SGCD: variants seen among roughly 807,000 people sequenced by gnomAD.
SGCD encodes sarcoglycan delta.
In SGCD, 18 loss-of-function variants were observed where a neutral mutation model predicts 36.6. That is an observed-to-expected ratio of 0.49 (90% confidence interval 0.34 to 0.73). SGCD has a LOEUF of 0.73. SGCD is among the 30% of genes least tolerant of loss of function. The pLI is 0.01. For missense variants in SGCD, 387 were observed against 346.7 expected (o/e 1.12, Z -0.92); for synonymous variants, 133 against 130.6 (o/e 1.02, Z -0.12).
the SGCD span, among the ~76,000 whole-genome samples, chr5:155,805,152 A>C: frequency 2.0e-5 from 3 of 152,246 alleles, no homozygotes; most frequent in East Asian, 5.8e-4. Context: ...GAAAGATATA[A>C]ATTTAACATT....
chr5:155,811,031 A>G, the SGCD span, among the ~76,000 whole-genome samples: 5 of 149,764 alleles, frequency 3.3e-5, no homozygotes, highest in Admixed American at 1.3e-4. Context: ...TTTAGCCGGG[A>G]TGGTCTCGAT....
chr5:155,774,615 C>G, the SGCD span, among the ~76,000 whole-genome samples: 17 of 152,010 alleles, frequency 1.1e-4, no homozygotes, highest in African/African-American at 3.6e-4. Context: ...GCTCATAGCC[C>G]CTTCCTCCAT....
At chr5:155,852,564 AAAG>A in the SGCD span, among the ~76,000 whole-genome samples, 1 of 152,264 alleles carries the variant, frequency 6.6e-6, no homozygotes, top group Non-Finnish European at 1.5e-5. Context: ...GCTACATGTC[AAAG>A]AAGTAGGAGG....
At chr5:156,480,098 T>C (rs1247609060) in intron 3 of SGCD, among the ~76,000 whole-genome samples, 5 of 152,226 alleles carry the variant, frequency 3.3e-5, no homozygotes, top group African/African-American at 1.2e-4. Context: ...GAGTAGTCAG[T>C]AGGGAAATGT....
the SGCD span, among the ~76,000 whole-genome samples, chr5:155,809,686 G>A: frequency 6.6e-6 from 1 of 152,126 alleles, no homozygotes; most frequent in Non-Finnish European, 1.5e-5. Flanking sequence ...GGAGAAAAGG[G>A]CCAAATATAT....
At chr5:156,129,447 C>T (rs1044465514) in intron 3 of SGCD, among the ~76,000 whole-genome samples, 14 of 152,186 alleles carry the variant, frequency 9.2e-5, no homozygotes, top group African/African-American at 3.4e-4. Context: ...CATCATGTTA[C>T]TACTCATTTG....
chr5:155,813,530 TGAGA>T, the SGCD span, among the ~76,000 whole-genome samples: 1 of 152,218 alleles, frequency 6.6e-6, no homozygotes, highest in Non-Finnish European at 1.5e-5. Flanking sequence ...ATATGATCAC[TGAGA>T]AGTGATCATA....
At chr5:156,153,717 G>T (rs1039091723) in intron 3 of SGCD, among the ~76,000 whole-genome samples, 4 of 151,580 alleles carry the variant, frequency 2.6e-5, no homozygotes, top group African/African-American at 7.3e-5. Flanking sequence ...TCTGGGGGAA[G>T]ACTCTAGGGT....
At chr5:156,375,385 T>C (rs1274131251) in intron 3 of SGCD, among the ~76,000 whole-genome samples, 2 of 147,700 alleles carry the variant, frequency 1.4e-5, no homozygotes, top group African/African-American at 5.0e-5. Flanking sequence ...CCCAGTAATA[T>C]CCTTCACAGC....
At chr5:155,802,081 C>T in the SGCD span, among the ~76,000 whole-genome samples, 1 of 152,154 alleles carries the variant, frequency 6.6e-6, no homozygotes, top group Non-Finnish European at 1.5e-5. Flanking sequence ...ACGCCTGACC[C>T]AAGCTGGGTC....
chr5:155,944,048 G>C lies in SGCD; in HGVS notation c.-282+73624G>C, dbSNP rs537430859. Among the ~76,000 whole-genome samples the C allele has an allele frequency of 4.3e-4, 66 of 152,274 alleles. No individual in the cohort carries two copies. In the South Asian group the frequency reaches 5.4e-3, roughly 12 times the overall value. On this transcript the variant is annotated intron_variant, in intron 1 of 9. Coordinates refer to the SGCD transcript ENST00000517913. ...ATTCTGCATGACCACAGCCCTGCAA[G>C]TATTTGAAGATAGTTTGTTCTGCCT...
At chr5:155,977,639 G>C (rs1000746004) in intron 1 of SGCD, among the ~76,000 whole-genome samples, 16 of 152,202 alleles carry the variant, frequency 1.1e-4, no homozygotes, top group African/African-American at 3.9e-4. Context: ...TGCATCTGAA[G>C]GATGAAAAAG....
chr5:156,326,529 G>A (rs1347963096), upstream of SGCD, among the ~76,000 whole-genome samples: 1 of 152,194 alleles, frequency 6.6e-6, no homozygotes, highest in Non-Finnish European at 1.5e-5. Flanking sequence ...CAGCTCCGAA[G>A]AACTGTACCA....
intron 3 of SGCD, among the ~76,000 whole-genome samples, chr5:156,494,472 T>A (rs911170723): frequency 3.9e-5 from 6 of 151,950 alleles, no homozygotes; most frequent in Non-Finnish European, 1.5e-5. Flanking sequence ...CAAAAAAAAA[T>A]TATTTAAGTT....
chr5:155,773,067 G>T, the SGCD span, among the ~76,000 whole-genome samples: 1 of 152,048 alleles, frequency 6.6e-6, no homozygotes. Context: ...TTTTGGCCTA[G>T]TCCTGCCCAC....
chr5:156,486,878 A>C (rs754682629), intron 3 of SGCD, among the ~76,000 whole-genome samples: 1 of 152,090 alleles, frequency 6.6e-6, no homozygotes, highest in African/African-American at 2.4e-5. Context: ...CACCACCACC[A>C]GTGCCTATGT....
intron 3 of SGCD, among the ~76,000 whole-genome samples, chr5:156,478,260 G>A (rs1160187070): frequency 1.3e-5 from 2 of 152,156 alleles, no homozygotes; most frequent in Non-Finnish European, 2.9e-5. Context: ...AGAAATTCGA[G>A]TGGGCTCCTT....
intron 7 of SGCD, among the ~76,000 whole-genome samples, chr5:156,657,797 T>C (rs1261606940): frequency 6.9e-6 from 1 of 144,528 alleles, no homozygotes; most frequent in East Asian, 2.1e-4. Context: ...AGACAAAGTA[T>C]AGAGAAAGAA....
At chr5:155,746,896 C>T in the SGCD span, among the ~76,000 whole-genome samples, 4 of 152,160 alleles carry the variant, frequency 2.6e-5, no homozygotes, top group Non-Finnish European at 4.4e-5. Flanking sequence ...GACAGGTTAA[C>T]TGCAGAGTCA....
Sources: allele counts gnomAD v4.1 joint callset (sites outside exome capture counted in the v4.1 genomes callset), GRCh38; gene constraint gnomAD v4.1.1; transcripts MANE v1.5; gene names NCBI Gene and HGNC (gene_info 2026-07-23, HGNC 2026-07-21).